Variants in CDH13 observed in about 807,000 individuals in gnomAD.
CDH13 encodes cadherin 13.
Under a neutral mutation model 63.8 loss-of-function variants are expected in CDH13, and 24 were observed. The observed-to-expected ratio is 0.38, with a 90% confidence interval of 0.27 to 0.53. The LOEUF is 0.53. Among genes scored for constraint, CDH13 ranks in the 20% least tolerant of loss-of-function variants. The probability of loss-of-function intolerance (pLI) is 0.85; values close to 1 mark genes in which losing one functional copy is unlikely to be tolerated. For synonymous variants in CDH13, 503 were observed against 355.3 expected (o/e 1.42, Z -4.67); for missense variants, 1,049 against 903.1 (o/e 1.16, Z -2.07).
At chr16:83,301,025 G>GGT (rs3052592) in intron 5 of CDH13, among the ~76,000 whole-genome samples, 5 of 78,756 alleles carry the variant, frequency 6.3e-5, no homozygotes, top group African/African-American at 2.7e-4. Flanking sequence ...ACTTTCTGGG[G>GGT]TTTTTTTTTT....
chr16:83,702,807 A>G (rs190576376), intron 10 of CDH13, among the ~76,000 whole-genome samples: 12 of 152,360 alleles, frequency 7.9e-5, no homozygotes, highest in African/African-American at 2.2e-4. Flanking sequence ...GCAAAGGTAC[A>G]GAGGGTCTGG....
chr16:83,413,817 G>A (rs576017176), intron 6 of CDH13, among the ~76,000 whole-genome samples: 23 of 152,034 alleles, frequency 1.5e-4, no homozygotes, highest in African/African-American at 4.6e-4. Flanking sequence ...GTAAAACCCC[G>A]TCTCTACTAA....
In CDH13 at chr16:83,146,486, A is replaced by G. The variant is rs907374432; in HGVS notation, c.483+20985A>G. Among the ~76,000 whole-genome samples the G allele has an allele frequency of 2.6e-5, 4 of 151,342 alleles. No individual in the cohort carries two copies. The South Asian group carries it at 6.3e-4, about 24-fold the overall frequency. On this transcript the variant is annotated intron_variant, in intron 4 of 13. Coordinates refer to ENST00000567109, the MANE Select transcript of CDH13 (RefSeq NM_001257.5). ...GGTTACAAGCTGCCTGCAGCAGCTC[A>G]GGCCATCCTATCTAAGGCTGGGGCA...
chr16:83,097,179 A>G (rs550118229), intron 3 of CDH13, among the ~76,000 whole-genome samples: 58 of 152,342 alleles, frequency 3.8e-4, no homozygotes, highest in African/African-American at 1.3e-3. Context: ...TATTATTAAA[A>G]GGAAGCATTG....
intron 4 of CDH13, among the ~76,000 whole-genome samples, chr16:83,171,810 G>C (rs1261048412): frequency 6.6e-6 from 1 of 152,086 alleles, no homozygotes; most frequent in Non-Finnish European, 1.5e-5. Flanking sequence ...TCTTGCAAAG[G>C]CATGAATACC....
At chr16:83,137,415 C>T (rs1403445321) in intron 4 of CDH13, among the ~76,000 whole-genome samples, 2 of 152,212 alleles carry the variant, frequency 1.3e-5, no homozygotes, top group Non-Finnish European at 1.5e-5. Context: ...ATGAGGTTAA[C>T]CTCGCCAACA....
chr16:83,707,796 G>C (rs575743814), intron 10 of CDH13, among the ~76,000 whole-genome samples: 33 of 123,756 alleles, frequency 2.7e-4, no homozygotes, highest in African/African-American at 1.0e-3. Context: ...AAGTTAAAGT[G>C]AACTGAGTGG....
At chr16:83,084,108 C>T (rs1434376062) in intron 3 of CDH13, among the ~76,000 whole-genome samples, 2 of 152,136 alleles carry the variant, frequency 1.3e-5, no homozygotes, top group Non-Finnish European at 2.9e-5. Context: ...TTTCAGAAGT[C>T]AATTTGGATG....
At position 82,705,883 on chromosome 16, in the gene CDH13, A is replaced by G. The variant is rs759317461; in HGVS notation, c.45+78746A>G. Among the ~76,000 whole-genome samples the G allele has an allele frequency of 2.8e-4, 43 of 152,276 alleles. No individual in the cohort carries two copies. The Middle Eastern group carries it at 0.017, about 60-fold the overall frequency. ...TGAAGAAGGGGTAGATGCTTTTACAACAGGTTTAGTCATCTGGCATATTAT... is the reference window on the plus strand; with the variant it reads ...TGAAGAAGGGGTAGATGCTTTTACAGCAGGTTTAGTCATCTGGCATATTAT... On this transcript the variant is annotated intron_variant, in intron 1 of 13. Transcript: ENST00000567109.
chr16:83,126,093 A>G (rs560216116), intron 4 of CDH13, among the ~76,000 whole-genome samples: 34 of 152,326 alleles, frequency 2.2e-4, no homozygotes, highest in African/African-American at 7.7e-4. Flanking sequence ...GAGAGTCAAC[A>G]TGGAGAATCA....
At chr16:82,749,509 A>T (rs1193492011) in intron 1 of CDH13, among the ~76,000 whole-genome samples, 1 of 152,150 alleles carries the variant, frequency 6.6e-6, no homozygotes, top group Non-Finnish European at 1.5e-5. Flanking sequence ...CAGTGCTCTG[A>T]AGTATTACCT....
At chr16:83,469,860 T>C (rs2073411025) in intron 6 of CDH13, among the ~76,000 whole-genome samples, 1 of 152,224 alleles carries the variant, frequency 6.6e-6, no homozygotes, top group Non-Finnish European at 1.5e-5. Context: ...GATTCTTGGA[T>C]AGTGCAAAAT....
chr16:83,410,063 T>G (rs1300215829), intron 6 of CDH13, among the ~76,000 whole-genome samples: 1 of 152,164 alleles, frequency 6.6e-6, no homozygotes, highest in Non-Finnish European at 1.5e-5. Flanking sequence ...AAAAGGTCCC[T>G]GAGAGTTCGG....
chr16:82,807,129 T>A (rs2037186542), intron 1 of CDH13, among the ~76,000 whole-genome samples: 1 of 151,962 alleles, frequency 6.6e-6, no homozygotes, highest in South Asian at 2.1e-4. Flanking sequence ...AAATTGCTTT[T>A]ACTGACAACA....
intron 5 of CDH13, among the ~76,000 whole-genome samples, chr16:83,319,227 A>G: frequency 6.6e-6 from 1 of 152,316 alleles, no homozygotes; most frequent in East Asian, 1.9e-4. Flanking sequence ...TACTAATGTA[A>G]TAATTTCTGT....
chr16:83,485,589 A>G (rs899374758), intron 6 of CDH13, among the ~76,000 whole-genome samples: 2 of 152,032 alleles, frequency 1.3e-5, no homozygotes, highest in Non-Finnish European at 2.9e-5. Flanking sequence ...TTTTGCTCTG[A>G]GGTCCCTTTG....
chr16:83,052,696 G>A (rs2030475040), intron 3 of CDH13, among the ~76,000 whole-genome samples: 1 of 136,324 alleles, frequency 7.3e-6, no homozygotes, highest in Admixed American at 8.4e-5. Flanking sequence ...AGAATTGCTT[G>A]AACCCAGAAG....
chr16:83,643,790 T>G (rs1911532784), intron 8 of CDH13, among the ~76,000 whole-genome samples: 1 of 152,218 alleles, frequency 6.6e-6, no homozygotes, highest in Non-Finnish European at 1.5e-5. Context: ...AAATTCATAG[T>G]TTACTTACGT....
At chr16:83,746,992 C>G (rs1191101515) in intron 10 of CDH13, among the ~76,000 whole-genome samples, 1 of 152,196 alleles carries the variant, frequency 6.6e-6, no homozygotes, top group Non-Finnish European at 1.5e-5. Context: ...ATAATATTGT[C>G]TAATCTGTTT....
Sources: allele counts gnomAD v4.1 joint callset (sites outside exome capture counted in the v4.1 genomes callset), GRCh38; gene constraint gnomAD v4.1.1; transcripts MANE v1.5; gene names NCBI Gene and HGNC (gene_info 2026-07-23, HGNC 2026-07-21).